Variants in HAPLN4 observed in about 807,000 individuals in gnomAD.
HAPLN4 encodes brain link protein 2.
In HAPLN4, 19 loss-of-function variants were observed where a neutral mutation model predicts 28.0. That is an observed-to-expected ratio of 0.68 (90% CI 0.47 to 1.00). HAPLN4 has a LOEUF of 1.00. Ranked by LOEUF, HAPLN4 falls within the 50% of genes least tolerant of loss-of-function variation. The pLI, the probability that HAPLN4 is intolerant of heterozygous loss-of-function variation, is 0.00. For missense variants in HAPLN4, 587 were observed against 602.6 expected (o/e 0.97, Z 0.27); for synonymous variants, 274 against 273.0 (o/e 1.00, Z -0.03).
Position 19,258,223 on chromosome 19 carries a change from T to TG in HAPLN4, c.818-16dup, listed in dbSNP as rs1434850203. 2.1e-6 allele frequency: 3 copies of TG among 1,461,284 alleles called. No individual in the cohort carries two copies. Among genetic ancestry groups the TG allele is most frequent in the East Asian group, 2.5e-5 (1 of 39,566 alleles). 90.5% of individuals were successfully genotyped at this position (1,461,284 alleles called of 1,614,324 possible). ...GAACACGCGCCCTGCGGGGGTGAGG[T>TG]GGGGGGTGGGTTATTAGTGCGGCTC... On this transcript the variant is annotated splice_polypyrimidine_tract_variant and intron_variant, in intron 4 of 4. Coordinates refer to ENST00000291481, the MANE Select transcript of HAPLN4 (RefSeq NM_023002.3). This position sits in a 1 kb window ranked among gnomAD's most constrained non-coding sequence, Gnocchi z 6.2.
At chr19:19,262,674 G>T in intron 1 of HAPLN4, 56 bp downstream of exon 1, 1 of 1,592,544 alleles carries the variant, frequency 6.3e-7, no homozygotes, top group Non-Finnish European at 8.6e-7. Context: ...GAGAGATATA[G>T]AATCCAAGAT....
At chr19:19,261,726 C>G in intron 1 of HAPLN4, 163 bp from the exon 2 acceptor site, 1 of 541,918 alleles carries the variant, frequency 1.8e-6, no homozygotes, top group Non-Finnish European at 3.2e-6. Flanking sequence ...CTCTTGGGAC[C>G]TCACATCCTA....
At position 19,258,066 on chromosome 19, in the gene HAPLN4, C is replaced by A; in HGVS notation, c.960G>T (p.Ala320=). The A allele has an allele frequency of 6.4e-7, 1 of 1,552,754 alleles. No individual in the cohort carries two copies. ...GCGCACTGCCATCGGCCAGCCAACC[C>A]GCGGTGCAGCGGTCTAGCAGCTGCA... is the stretch of plus-strand genomic sequence containing the variant. ...WKLQLLDRCT[A]GWLADGSARY... is the part of the protein sequence containing the mutation. Residue 320 remains alanine (A), a synonymous_variant, in exon 5 of 5, where the codon GCG becomes GCT. Coordinates refer to ENST00000291481, the MANE Select transcript of HAPLN4 (RefSeq NM_023002.3). This position sits in a 1 kb window ranked among gnomAD's most constrained non-coding sequence, Gnocchi z 6.2.
Position 19,258,394 on chromosome 19 carries a change from G to T in HAPLN4, c.817+129C>A, listed in dbSNP as rs749975165. Reference sequence around the variant, plus strand: ...AACCAGCGTTGGTACCAGGCGGTGTGTGCTGCGCCTAGGCACTCTTGGGAG... The same window carrying T: ...AACCAGCGTTGGTACCAGGCGGTGTTTGCTGCGCCTAGGCACTCTTGGGAG... On this transcript the variant is annotated intron_variant, in intron 4 of 4. Coordinates refer to ENST00000291481, the MANE Select transcript of HAPLN4 (RefSeq NM_023002.3). The surrounding 1 kb of genome is among the most constrained non-coding windows in gnomAD (Gnocchi z 6.2). 4 of 1,138,016 alleles carry T rather than the reference G, an allele frequency of 3.5e-6. No individual in the cohort carries two copies. Among genetic ancestry groups the T allele is most frequent in the Non-Finnish European group, 3.7e-6 (3 of 803,388 alleles). The allele number at this position is 1,138,016 out of a possible 1,614,324, so 70.5% of individuals were successfully genotyped here.
rs2060960674 is a variant in HAPLN4, at chr19:19,254,880, G to C, written c.*2937C>G. The C allele has an allele frequency of 1.3e-5, 2 of 152,386 alleles. No homozygotes were observed. The highest frequency in any genetic ancestry group is 4.1e-4 in the South Asian group (2 of 4,828). 9.4% of individuals were successfully genotyped at this position (152,386 alleles called of 1,614,324 possible). A position where few individuals can be genotyped will look rare whatever the true frequency, so the allele number is the denominator to read the frequency against. On this transcript the variant is annotated 3_prime_UTR_variant, in exon 5 of 5. Coordinates refer to ENST00000291481, the MANE Select transcript of HAPLN4 (RefSeq NM_023002.3). ...TGGCTCAAGCAATCCTCCCACCTTG[G>C]TCTCTTAAAGTGCTGGGATTATAGG...
In HAPLN4 at chr19:19,260,899, A is replaced by G; in HGVS notation, c.398T>C (p.Val133Ala). 6.2e-7 allele frequency: 1 copy of G among 1,614,086 alleles called. No individual in the cohort carries two copies. The highest frequency in any genetic ancestry group is 8.5e-7 in the Non-Finnish European group (1 of 1,180,034). ...ATAGCGCCCGTAGTCTTGCAGCGTGACGTTGCGGAGGACCAGGGAGGCATC... is the reference window on the plus strand; with the variant it reads ...ATAGCGCCCGTAGTCTTGCAGCGTGGCGTTGCGGAGGACCAGGGAGGCATC... ...PGDASLVLRN[V>A]TLQDYGRYEC... is the part of the protein sequence containing the mutation. The change falls in exon 3 of 5, where the codon GTC becomes GCC. Residue 133 changes from valine (V) to alanine (A), a missense_variant. By Grantham distance (64) the Val-to-Ala change is moderately conservative (BLOSUM62 0). Transcript: ENST00000291481.
chr19:19,261,633 C>T (rs1217625829), intron 1 of HAPLN4, 70 bp from the exon 2 acceptor site: 17 of 1,049,102 alleles, frequency 1.6e-5, no homozygotes, highest in Non-Finnish European at 2.0e-5. Flanking sequence ...GGCTCCCTCC[C>T]GGGCCTGCCT....
Position 19,258,391 on chromosome 19 carries a change from T to A in HAPLN4, c.817+132A>T. ...CCCAACCAGCGTTGGTACCAGGCGGTGTGTGCTGCGCCTAGGCACTCTTGG... is the reference window on the plus strand; with the variant it reads ...CCCAACCAGCGTTGGTACCAGGCGGAGTGTGCTGCGCCTAGGCACTCTTGG... On this transcript the variant is annotated intron_variant, in intron 4 of 4. Coordinates refer to ENST00000291481, the MANE Select transcript of HAPLN4 (RefSeq NM_023002.3). This position sits in a 1 kb window ranked among gnomAD's most constrained non-coding sequence, Gnocchi z 6.2. 9.0e-7 allele frequency: 1 copy of A among 1,113,766 alleles called. No homozygotes were observed. The highest frequency in any genetic ancestry group is 2.1e-4 in the Middle Eastern group (1 of 4,816). 69.0% of individuals were successfully genotyped at this position (1,113,766 alleles called of 1,614,324 possible). A position where few individuals can be genotyped will look rare whatever the true frequency, so the allele number is the denominator to read the frequency against.
chr19:19,261,521 C>G lies in HAPLN4; in HGVS notation c.46G>C (p.Ala16Pro). ...GTGAGCAGCAGGACGCCCCAGGCCGCGGCCCAGAGCGCGCCGGGACCGAGG... is the reference window on the plus strand; with the variant it reads ...GTGAGCAGCAGGACGCCCCAGGCCGGGGCCCAGAGCGCGCCGGGACCGAGG... ...AALGPGALWA[A>P]AWGVLLLTAP... Residue 16 changes from alanine (A) to proline (P), a missense_variant, in exon 2 of 5, where the codon GCG becomes CCG. Ala to Pro is a conservative substitution (Grantham distance 27). Coordinates refer to ENST00000291481, the MANE Select transcript of HAPLN4 (RefSeq NM_023002.3). The G allele has an allele frequency of 6.2e-7, 1 of 1,607,484 alleles. No individual in the cohort carries two copies. Among genetic ancestry groups the G allele is most frequent in the Non-Finnish European group, 8.5e-7 (1 of 1,177,504 alleles).
rs1165179799 is a variant in HAPLN4 at position 19,258,827 on chromosome 19, T to A, written c.513A>T (p.Gly171=). Residue 171 remains glycine (G), a synonymous_variant, in exon 4 of 5, where the codon GGA becomes GGT. Transcript: ENST00000291481. This position sits in a 1 kb window ranked among gnomAD's most constrained non-coding sequence, Gnocchi z 6.2. ...EGVVFPYHPR[G]GRYKLTFAEA... is the part of the protein sequence containing the mutation. ...CCGCGAAGGTCAGCTTGTATCGGCC[T>A]CCACGGGGGTGGTAGGGAAAGACCA... 4.4e-6 allele frequency: 7 copies of A among 1,573,814 alleles called. No homozygotes were observed. Among genetic ancestry groups the A allele is most frequent in the Non-Finnish European group, 8.6e-7 (1 of 1,158,802 alleles).
rs1484609893 is a variant in HAPLN4, at chr19:19,257,514, G to A, written c.*303C>T. 3.1e-6 allele frequency: 1 copy of A among 321,750 alleles called. No homozygotes were observed. The highest frequency in any genetic ancestry group is 8.3e-4 in the Middle Eastern group (1 of 1,202). 19.9% of individuals were successfully genotyped at this position (321,750 alleles called of 1,614,324 possible). A position where few individuals can be genotyped will look rare whatever the true frequency, so the allele number is the denominator to read the frequency against. On this transcript the variant is annotated 3_prime_UTR_variant, in exon 5 of 5. Transcript: ENST00000291481. ...CTCAGGAGGCGTGGCCAGTCTTCAG[G>A]AGCCTGCGGGTTCTGCTGGCCTCCT...
chr19:19,258,837 T>C lies in HAPLN4; in HGVS notation c.503A>G (p.His168Arg). The C allele has an allele frequency of 6.4e-7, 1 of 1,565,972 alleles. No homozygotes were observed. The highest frequency in any genetic ancestry group is 8.7e-7 in the Non-Finnish European group (1 of 1,155,180). Residue 168 changes from histidine (H) to arginine (R), a missense_variant, in exon 4 of 5, where the codon CAC (histidine) becomes CGC (arginine). Physicochemically the swap from His to Arg is conservative, Grantham distance 29 (BLOSUM62 0). Coordinates refer to ENST00000291481, the MANE Select transcript of HAPLN4 (RefSeq NM_023002.3). The surrounding 1 kb of genome is among the most constrained non-coding windows in gnomAD (Gnocchi z 6.2). ...LDLEGVVFPY[H>R]PRGGRYKLTF... Reference sequence around the variant, plus strand: ...CAGCTTGTATCGGCCTCCACGGGGGTGGTAGGGAAAGACCACGCCTGGCGG... The same window carrying C: ...CAGCTTGTATCGGCCTCCACGGGGGCGGTAGGGAAAGACCACGCCTGGCGG...
chr19:19,262,233 GAGAGACAGAGAGGA>G (rs1408441569), intron 1 of HAPLN4, among the ~76,000 whole-genome samples: 3 of 151,048 alleles, frequency 2.0e-5, no homozygotes, highest in Admixed American at 6.7e-5. Context: ...GATGGAAAGG[GAGAGACAGAGAGGA>G]AGAGACAGAG....
chr19:19,261,621 C>T, intron 1 of HAPLN4, 58 bp from the exon 2 acceptor site: 1 of 1,172,008 alleles, frequency 8.5e-7, no homozygotes. Flanking sequence ...TTTCGGAGGC[C>T]TGGCTCCCTC....
rs759219559 is a variant in HAPLN4, at chr19:19,258,164, C to T, written c.862G>A (p.Gly288Arg). The change falls in exon 5 of 5, where the codon GGA (glycine) becomes AGA (arginine). Residue 288 changes from glycine to arginine, a missense_variant. Gly to Arg is a moderately radical substitution (Grantham distance 125). Coordinates refer to ENST00000291481, the MANE Select transcript of HAPLN4 (RefSeq NM_023002.3). This position sits in a 1 kb window ranked among gnomAD's most constrained non-coding sequence, Gnocchi z 6.2. ...LKPLRPVPFS[G>R]AARACAARGA... ...CGCGCAGCACACGCGCGCGCAGCTC[C>T]GGAGAAGGGTACAGGTCGCAGCGGC... The T allele has an allele frequency of 6.5e-6, 10 of 1,534,410 alleles. No homozygotes were observed. The South Asian group carries it at 9.6e-5, about 15-fold the overall frequency.
At position 19,255,739 on chromosome 19, in the gene HAPLN4, A is replaced by C. The variant is rs1240199713; in HGVS notation, c.*2078T>G. ...AACAGCCCTGGTACAGTGGGAGAAC[A>C]CAGGTTCAGAAGGAGTTTGTCACTT... is the stretch of plus-strand genomic sequence containing the variant. On this transcript the variant is annotated 3_prime_UTR_variant, in exon 5 of 5. Coordinates refer to ENST00000291481, the MANE Select transcript of HAPLN4 (RefSeq NM_023002.3). The C allele has an allele frequency of 2.0e-5, 3 of 152,220 alleles. No individual in the cohort carries two copies. Among genetic ancestry groups the C allele is most frequent in the Non-Finnish European group, 4.4e-5 (3 of 68,040 alleles). The allele number at this position is 152,220 out of a possible 1,614,324, so 9.4% of individuals were successfully genotyped here.
At position 19,258,747 on chromosome 19, in the gene HAPLN4, A is replaced by G; in HGVS notation, c.593T>C (p.Leu198Pro). Residue 198 changes from leucine to proline, a missense_variant, in exon 4 of 5, where the codon CTG (leucine) becomes CCG (proline). Physicochemically the swap from Leu to Pro is moderately conservative, Grantham distance 98. Coordinates refer to ENST00000291481, the MANE Select transcript of HAPLN4 (RefSeq NM_023002.3). This position sits in a 1 kb window ranked among gnomAD's most constrained non-coding sequence, Gnocchi z 6.2. ...CAGGCCGTCGCGCCAGGCCGCGTGC[A>G]GCTGTTCTGCAGATGCCAGGATGCC... ...QDGILASAEQ[L>P]HAAWRDGLDW... 1 of 1,604,342 alleles carries G rather than the reference A, an allele frequency of 6.2e-7. No homozygotes were observed. Among genetic ancestry groups the G allele is most frequent in the Non-Finnish European group, 8.5e-7 (1 of 1,176,948 alleles).
intron 1 of HAPLN4, chr19:19,261,817 A>C (rs1447225201): frequency 6.1e-5 from 23 of 378,344 alleles, no homozygotes; most frequent in East Asian, 2.7e-4. Flanking sequence ...CCCCCACCCC[A>C]AAACCCGAGG....
intron 1 of HAPLN4, among the ~76,000 whole-genome samples, chr19:19,261,962 G>T (rs189611222): frequency 4.9e-4 from 75 of 152,284 alleles, no homozygotes; most frequent in Middle Eastern, 3.4e-3. Flanking sequence ...GGGCAGGGAG[G>T]GGGGAGAGCT....
Sources: allele counts gnomAD v4.1 joint callset (sites outside exome capture counted in the v4.1 genomes callset), GRCh38; gene constraint gnomAD v4.1.1; non-coding constraint Gnocchi (gnomAD v3.1); transcripts MANE v1.5; gene names NCBI Gene and HGNC (gene_info 2026-07-23, HGNC 2026-07-21).